Variants in TICRR observed in about 807,000 individuals in gnomAD.
TICRR encodes treslin.
TICRR carries 132 observed loss-of-function variants against 178.1 expected under a neutral mutation model. The ratio of observed to expected loss-of-function variants is 0.74; its 90% CI spans 0.64 to 0.86. The LOEUF (loss-of-function observed/expected upper bound fraction) is 0.86. Ranked by LOEUF, TICRR falls within the 40% of genes least tolerant of loss-of-function variation. The pLI is 0.00. For synonymous variants in TICRR, 991 were observed against 900.7 expected (o/e 1.10, Z -1.79); for missense variants, 2,587 against 2,334.3 (o/e 1.11, Z -2.23).
chr15:89,590,190 GAGA>G lies in TICRR; in HGVS notation c.1412-1852_1412-1850del, dbSNP rs1962887102. 2.0e-5 allele frequency among the ~76,000 whole-genome samples: 3 copies of G among 152,144 alleles called. 1 individual carries two copies. The highest frequency in any genetic ancestry group is 2.0e-4 in the Admixed American group (3 of 15,274). ...GCCAAACAGCCAAGGAGAAGAAAAG[GAGA>G]AGAATACGGGTTGAAAGGACGTAGT... On this transcript the variant is annotated intron_variant, in intron 4 of 21. Coordinates refer to ENST00000268138, the MANE Select transcript of TICRR (RefSeq NM_152259.4).
intron 18 of TICRR, among the ~76,000 whole-genome samples, chr15:89,620,588 G>A (rs1017127760): frequency 5.3e-5 from 8 of 152,158 alleles, no homozygotes; most frequent in African/African-American, 1.2e-4. Context: ...TTAATATGCC[G>A]TCTTACTAAA....
intron 16 of TICRR, 134 bp from the exon 17 acceptor site, chr15:89,618,018 G>C: frequency 1.1e-6 from 1 of 885,148 alleles, no homozygotes; most frequent in Non-Finnish European, 1.9e-6. Context: ...TCACGTATGA[G>C]AGCCCTTTAC....
chr15:89,607,811 C>T (rs1963196192), intron 14 of TICRR, among the ~76,000 whole-genome samples: 1 of 152,122 alleles, frequency 6.6e-6, no homozygotes, highest in Non-Finnish European at 1.5e-5. Context: ...ACCAGACTAT[C>T]TTAAGATTAA....
chr15:89,609,892 T>A (rs1164595709), intron 15 of TICRR, among the ~76,000 whole-genome samples: 1 of 152,184 alleles, frequency 6.6e-6, no homozygotes, highest in Non-Finnish European at 1.5e-5. Flanking sequence ...AGATCTTTTT[T>A]AATAAAGCAC....
intron 12 of TICRR, among the ~76,000 whole-genome samples, chr15:89,602,509 CTTCTT>C (rs1356832673): frequency 6.6e-6 from 1 of 152,052 alleles, no homozygotes; most frequent in Non-Finnish European, 1.5e-5. Flanking sequence ...TTCACAAAGT[CTTCTT>C]TACTGTCCAC....
In TICRR at chr15:89,606,683, G is replaced by C. The variant is rs559219670; in HGVS notation, c.2665-85G>C. ...GGATCCCTATAAATGAATTACAAGA[G>C]TCAAAGAGTTCATGTGAAATCTTTA... On this transcript the variant is annotated intron_variant, in intron 13 of 21. Transcript: ENST00000268138. The C allele has an allele frequency of 1.0e-5, 11 of 1,081,902 alleles. No individual in the cohort carries two copies. The South Asian group carries it at 1.4e-4, about 14-fold the overall frequency. 67.0% of individuals were successfully genotyped at this position (1,081,902 alleles called of 1,614,324 possible).
chr15:89,626,165 G>A, intron 21 of TICRR, 104 bp downstream of exon 21: 3 of 1,407,866 alleles, frequency 2.1e-6, no homozygotes, highest in East Asian at 2.4e-5. Flanking sequence ...GGAGTGCCAA[G>A]TGTGGGATAG....
intron 4 of TICRR, among the ~76,000 whole-genome samples, chr15:89,590,325 A>G (rs1413764865): frequency 6.6e-6 from 1 of 152,246 alleles, no homozygotes; most frequent in African/African-American, 2.4e-5. Context: ...GAATGATCAC[A>G]TAACCAAAGC....
intron 4 of TICRR, 87 bp from the exon 5 acceptor site, chr15:89,591,960 A>G: frequency 8.2e-7 from 1 of 1,214,370 alleles, no homozygotes; most frequent in Non-Finnish European, 1.1e-6. Context: ...GGATGCAGTC[A>G]GTCCAGGGGA....
chr15:89,626,183 C>T (rs753718534), intron 21 of TICRR, 122 bp downstream of exon 21: 2 of 1,111,426 alleles, frequency 1.8e-6, no homozygotes, highest in Non-Finnish European at 1.3e-6. Context: ...TAGGTGACTT[C>T]GCGCCTACAG....
chr15:89,598,096 T>G (rs1422638190), intron 7 of TICRR, among the ~76,000 whole-genome samples: 1 of 151,974 alleles, frequency 6.6e-6, no homozygotes, highest in Admixed American at 6.6e-5. Context: ...CCTGCAAATT[T>G]GCTATAATCA....
chr15:89,622,681 C>T (rs944705698), intron 19 of TICRR, among the ~76,000 whole-genome samples: 5 of 152,214 alleles, frequency 3.3e-5, no homozygotes, highest in Non-Finnish European at 7.3e-5. Context: ...GTGGTCTGTT[C>T]CCTCTGGCCT....
At position 89,626,056 on chromosome 15, in the gene TICRR, C is replaced by T. The variant is rs1963519120; in HGVS notation, c.5597C>T (p.Pro1866Leu). Reference sequence around the variant, plus strand: ...ACACCTTCCTCTCAGAGCAAAGACCCCAGAGGTAATGTTTGTTGAAGGTCT... The same window carrying T: ...ACACCTTCCTCTCAGAGCAAAGACCTCAGAGGTAATGTTTGTTGAAGGTCT... ...GKTPSSQSKD[P>L]RDEDVDVLPS... is the part of the protein sequence containing the mutation. The change falls in exon 21 of 22, where the codon CCC becomes CTC. Residue 1866 changes from proline (P) to leucine (L), a missense_variant. Coordinates refer to ENST00000268138, the MANE Select transcript of TICRR (RefSeq NM_152259.4). 1 of 1,613,690 alleles carries T rather than the reference C, an allele frequency of 6.2e-7. No individual in the cohort carries two copies. The highest frequency in any genetic ancestry group is 8.5e-7 in the Non-Finnish European group (1 of 1,179,886).
In TICRR at chr15:89,601,507, A is replaced by G. The variant is rs776262427; in HGVS notation, c.2266A>G (p.Met756Val). Residue 756 changes from methionine (M) to valine (V), a missense_variant, in exon 11 of 22, where the codon ATG becomes GTG. Physicochemically the swap from Met to Val is conservative, Grantham distance 21. Transcript: ENST00000268138. The part of the protein sequence containing the change: ...VVEEVTDLLR[M>V]VCLTEDSAYL... ...CCTTCAGGTGACAGATTTGCTGCGC[A>G]TGGTGTGTTTAACTGAGGATTCAGC... 5.0e-6 allele frequency: 8 copies of G among 1,614,180 alleles called. No individual in the cohort carries two copies. Among genetic ancestry groups the G allele is most frequent in the Admixed American group, 1.7e-5 (1 of 60,020 alleles).
intron 15 of TICRR, 86 bp from the exon 16 acceptor site, chr15:89,616,319 G>A: frequency 9.4e-7 from 1 of 1,059,436 alleles, no homozygotes; most frequent in African/African-American, 1.5e-5. Context: ...AAGCCATACA[G>A]AAGTTCAAAC....
chr15:89,610,825 G>C (rs1396294415), intron 15 of TICRR, among the ~76,000 whole-genome samples: 1 of 151,076 alleles, frequency 6.6e-6, no homozygotes, highest in East Asian at 2.0e-4. Flanking sequence ...CTTTTTCTGT[G>C]TATTTTTAAG....
At position 89,606,761 on chromosome 15, in the gene TICRR, G is replaced by A. The variant is rs1367317588; in HGVS notation, c.2665-7G>A. On this transcript the variant is annotated splice_region_variant and splice_polypyrimidine_tract_variant and intron_variant, in intron 13 of 21. Coordinates refer to ENST00000268138, the MANE Select transcript of TICRR (RefSeq NM_152259.4). ...AAATTTTCTTTCTGGATTTTCTCAT[G>A]TTTCAGGAGAACTCTCACCCTGCTC... 2 of 1,613,294 alleles carry A rather than the reference G, an allele frequency of 1.2e-6. No individual in the cohort carries two copies. The highest frequency in any genetic ancestry group is 3.3e-5 in the Admixed American group (2 of 59,996).
At chr15:89,616,173 T>C (rs114382583) in intron 15 of TICRR, among the ~76,000 whole-genome samples, 1,599 of 152,268 alleles carry the variant, frequency 0.011, 36 homozygotes, top group African/African-American at 0.037. Context: ...GCATGAGCCA[T>C]TGTGCCCAGC....
rs531974242 is a variant in TICRR, at chr15:89,609,810, T to TC, written c.2869+864dup. On this transcript the variant is annotated intron_variant, in intron 15 of 21. Transcript: ENST00000268138. The stretch of plus-strand genomic sequence containing the variant: ...TAATCTCAGTTTCATTTTTTTTTTT[T>TC]CCCTCTATTGGCTTTGGTTTTTGTT... Among the ~76,000 whole-genome samples, 225 of 152,170 alleles carry TC rather than the reference T, an allele frequency of 1.5e-3. No individual in the cohort carries two copies. The Middle Eastern group carries it at 0.017, about 12-fold the overall frequency.
Sources: allele counts gnomAD v4.1 joint callset (sites outside exome capture counted in the v4.1 genomes callset), GRCh38; gene constraint gnomAD v4.1.1; transcripts MANE v1.5; gene names NCBI Gene and HGNC (gene_info 2026-07-23, HGNC 2026-07-21).